FUS: variants seen among roughly 807,000 people sequenced by gnomAD.
FUS encodes the protein RNA-binding protein FUS.
In FUS, 5 loss-of-function variants were observed where a neutral mutation model predicts 82.7. The ratio of observed to expected loss-of-function variants is 0.06; its 90% CI spans 0.03 to 0.13. The LOEUF is 0.13. FUS is among the 10% of genes least tolerant of loss of function. The pLI is 1.00. For missense variants in FUS, 512 were observed against 707.8 expected, an observed-to-expected ratio of 0.72 and a Z score of 3.14; for synonymous variants, 281 against 247.4, an observed-to-expected ratio of 1.14 and a Z score of -1.27.
intron 3 of FUS, 40 bp from the exon 4 acceptor site, chr16:31,183,818 C>A (rs571057775): frequency 6.2e-7 from 1 of 1,613,698 alleles, no homozygotes; most frequent in Non-Finnish European, 8.5e-7. Context: ...TTTTCTCTTT[C>A]CTGGTGGCTT....
Position 31,180,198 on chromosome 16 carries a change from TGCGCGCGTGC to T in FUS, c.-13_-4del, listed in dbSNP as rs745964637. On this transcript the variant is annotated 5_prime_UTR_variant, in exon 1 of 15. Transcript: ENST00000254108. The stretch of plus-strand genomic sequence containing the variant: ...TGGAACTTCGTTGCTTGCTTGCCTG[TGCGCGCGTGC>T]GCGGACATGGCCTCAAACGGTAGGT... 2 of 1,610,838 alleles carry T rather than the reference TGCGCGCGTGC, an allele frequency of 1.2e-6. No homozygotes were observed. The highest frequency in any genetic ancestry group is 1.7e-6 in the Non-Finnish European group (2 of 1,178,552).
rs779992306 is a variant in FUS at position 31,190,794 on chromosome 16, G to T, written c.1345G>T (p.Ala449Ser). 4.3e-6 allele frequency: 7 copies of T among 1,614,060 alleles called. No homozygotes were observed. In the South Asian group the frequency reaches 6.6e-5, roughly 15 times the overall value. Residue 449 changes from alanine (A) to serine (S), a missense_variant, in exon 13 of 15, where the codon GCC becomes TCC. Transcript: ENST00000254108. ...GAGGAATGAATGCAACCAGTGTAAG[G>T]CCCCTAAACCAGATGGCCCAGGAGG... ...SWRNECNQCKAPKPDGPGGGP... is the reference protein window; with the variant it reads ...SWRNECNQCKSPKPDGPGGGP...
intron 6 of FUS, chr16:31,185,738 A>G (rs1259270575): frequency 2.9e-6 from 1 of 346,524 alleles, no homozygotes; most frequent in Non-Finnish European, 5.8e-6. Context: ...GACTGAAGTA[A>G]GCAGACCTTT....
downstream of FUS, chr16:31,193,651 A>G (rs2079388682): frequency 1.9e-6 from 1 of 530,716 alleles, no homozygotes; most frequent in African/African-American, 1.9e-5. Context: ...GTGACTGTTT[A>G]GTGGGTAGGT....
rs1759041567 is a variant in FUS at position 31,187,078 on chromosome 16, G to T, written c.799+242G>T. The T allele has an allele frequency of 2.4e-5, 14 of 584,748 alleles. No homozygotes were observed. In the Admixed American group the frequency reaches 3.2e-4, roughly 13 times the overall value. The allele number at this position is 584,748 out of a possible 1,614,324, so 36.2% of individuals were successfully genotyped here. ...GGTTTGCCCCAGGTTAATAAGAGGG[G>T]TCTAGTAGGCCTTGGACTGGGCCGT... On this transcript the variant is annotated intron_variant, in intron 7 of 14. Coordinates refer to ENST00000254108, the MANE Select transcript of FUS (RefSeq NM_004960.4).
At chr16:31,190,004 C>T (rs181287335) in intron 10 of FUS, 36 bp from the exon 11 acceptor site, 470 of 1,582,652 alleles carry the variant, frequency 3.0e-4, no homozygotes, top group Admixed American at 5.3e-4. Context: ...ATGTGTCTTG[C>T]ATTTAAAGTC....
downstream of FUS, chr16:31,193,819 CT>C (rs753379140): frequency 0.1 from 31,596 of 312,062 alleles, 474 homozygotes; most frequent in African/African-American, 0.16. Flanking sequence ...TTTTTAATTA[CT>C]TTTTTTTTTT....
intron 8 of FUS, chr16:31,188,819 C>A: frequency 2.1e-6 from 1 of 482,990 alleles, no homozygotes; most frequent in Non-Finnish European, 3.7e-6. Context: ...GGACCTTCAA[C>A]TGAAAGTTGA....
intron 12 of FUS, 68 bp from the exon 13 acceptor site, chr16:31,190,674 T>A (rs1343694231): frequency 2.8e-6 from 4 of 1,436,126 alleles, no homozygotes; most frequent in Non-Finnish European, 3.9e-6. Context: ...GTCACCGTAG[T>A]TTCTTCCTAG....
intron 14 of FUS, 92 bp downstream of exon 14, chr16:31,191,202 G>T (rs914245792): frequency 3.9e-6 from 6 of 1,549,398 alleles, no homozygotes; most frequent in South Asian, 2.3e-5. Flanking sequence ...TCATTTTGAG[G>T]GCTAGGTGGA....
chr16:31,193,691 G>A (rs1488188333), downstream of FUS: 8 of 532,626 alleles, frequency 1.5e-5, no homozygotes, highest in East Asian at 3.1e-4. Context: ...CAGGAGAATG[G>A]ATAGAGACAC....
chr16:31,189,958 T>TTGAGAAAGGCA, intron 10 of FUS, 82 bp from the exon 11 acceptor site: 4 of 1,557,736 alleles, frequency 2.6e-6, no homozygotes, highest in Non-Finnish European at 3.5e-6. Context: ...TATAAACCAT[T>TTGAGAAAGGCA]TGAGAAAGGC....
At position 31,191,485 on chromosome 16, in the gene FUS, A is replaced by G; in HGVS notation, c.*47A>G. On this transcript the variant is annotated 3_prime_UTR_variant, in exon 15 of 15. Transcript: ENST00000254108. ...TGGAACAGCTTTTTGTCCTGTACCCAGTGTTACCCTCGTTATTTTGTAACC... is the reference window on the plus strand; with the variant it reads ...TGGAACAGCTTTTTGTCCTGTACCCGGTGTTACCCTCGTTATTTTGTAACC... The G allele has an allele frequency of 6.3e-7, 1 of 1,595,490 alleles. No individual in the cohort carries two copies. Among genetic ancestry groups the G allele is most frequent in the Non-Finnish European group, 8.6e-7 (1 of 1,164,048 alleles).
chr16:31,191,073 G>A lies in FUS; in HGVS notation c.1504G>A (p.Asp502Asn), dbSNP rs1388334004. The A allele has an allele frequency of 1.2e-6, 2 of 1,613,156 alleles. No individual in the cohort carries two copies. Among genetic ancestry groups the A allele is most frequent in the South Asian group, 1.1e-5 (1 of 91,050 alleles). ...CTTCCGAGGGGGCCGGGGTGGTGGG[G>A]ACAGAGGTGGCTTTGGCCCTGGCAA... is the stretch of plus-strand genomic sequence containing the variant. ...GGFRGGRGGG[D>N]RGGFGPGKMD... Residue 502 changes from aspartate (D) to asparagine (N), a missense_variant, in exon 14 of 15, where the codon GAC (aspartate) becomes AAC (asparagine). Transcript: ENST00000254108.
intron 3 of FUS, 172 bp downstream of exon 3, chr16:31,182,836 C>T (rs1419671424): frequency 4.0e-6 from 3 of 757,180 alleles, no homozygotes; most frequent in Admixed American, 4.3e-5. Context: ...CCTGCCTCAG[C>T]CTCCTGAGTA....
At chr16:31,190,172 G>T in intron 11 of FUS, 31 bp downstream of exon 11, 1 of 1,613,908 alleles carries the variant, frequency 6.2e-7, no homozygotes, top group Non-Finnish European at 8.5e-7. Flanking sequence ...GGTGCAGAGG[G>T]GTAATGGGGA....
Position 31,190,407 on chromosome 16 carries a change from AACTT to A in FUS, c.1292+11_1292+14del. On this transcript the variant is annotated intron_variant, in intron 12 of 14. Coordinates refer to ENST00000254108, the MANE Select transcript of FUS (RefSeq NM_004960.4). ...TGGAAGTGTCCTAATCCGTGAGTGA[AACTT>A]AATTTTTTTCTTAGTTCTCTTGCAT... 2 of 1,614,060 alleles carry A rather than the reference AACTT, an allele frequency of 1.2e-6. No individual in the cohort carries two copies. The highest frequency in any genetic ancestry group is 1.1e-5 in the South Asian group (1 of 91,066).
chr16:31,181,731 C>T (rs1157538617), intron 1 of FUS, among the ~76,000 whole-genome samples: 2 of 152,140 alleles, frequency 1.3e-5, no homozygotes, highest in African/African-American at 2.4e-5. Flanking sequence ...TCTCTTGACT[C>T]CTGGCGATAA....
At chr16:31,191,729 G>A (rs2079364550), downstream of FUS, 3 of 654,270 alleles carry the variant, frequency 4.6e-6, no homozygotes, top group South Asian at 3.0e-5. Flanking sequence ...CGGGGAGAAG[G>A]CCAAATGATA....
Sources: gnomAD v4.1 joint callset for allele counts (sites outside exome capture counted in the v4.1 genomes callset) on GRCh38, gnomAD v4.1.1 for gene constraint, MANE v1.5 for transcripts, NCBI Gene and HGNC (gene_info 2026-07-23, HGNC 2026-07-21) for gene names.